NARF: variants seen among roughly 807,000 people sequenced by gnomAD.
The protein encoded by NARF is iron-only hydrogenase-like protein 2.
Under a neutral mutation model 48.0 loss-of-function variants are expected in NARF, and 41 were observed. The ratio of observed to expected loss-of-function variants is 0.85; its 90% CI spans 0.66 to 1.11. NARF has a LOEUF of 1.11. NARF is among the 50% of genes least tolerant of loss of function. The pLI, the probability that NARF is intolerant of heterozygous loss-of-function variation, is 0.00. For synonymous variants in NARF, 215 were observed against 225.5 expected (o/e 0.95, Z 0.42); for missense variants, 613 against 590.2 (o/e 1.04, Z -0.40).
intron 6 of NARF, chr17:82,480,443 C>G (rs1214895413): frequency 5.0e-6 from 2 of 401,890 alleles, no homozygotes; most frequent in Admixed American, 8.8e-5. Context: ...CCCGGTTCTT[C>G]CAGGAGGCTC....
At chr17:82,470,585 C>G (rs1237950203) in intron 4 of NARF, among the ~76,000 whole-genome samples, 1 of 152,082 alleles carries the variant, frequency 6.6e-6, no homozygotes, top group African/African-American at 2.4e-5. Context: ...AGCTCCACCT[C>G]CCGGGTTCAC....
intron 3 of NARF, chr17:82,468,536 A>G: frequency 2.0e-6 from 1 of 495,850 alleles, no homozygotes; most frequent in South Asian, 2.5e-5. Context: ...CTCATGTTTC[A>G]TTTTTTAAAT....
chr17:82,458,572 C>G (rs1410603407), upstream of NARF: 4 of 497,518 alleles, frequency 8.0e-6, no homozygotes, highest in Non-Finnish European at 1.3e-5. Flanking sequence ...CTGGCCCGCC[C>G]CTTCCCGACA....
At position 82,484,877 on chromosome 17, in the gene NARF, G is replaced by A; in HGVS notation, c.898G>A (p.Ala300Thr). 1.2e-6 allele frequency: 2 copies of A among 1,613,350 alleles called. No individual in the cohort carries two copies. Among genetic ancestry groups the A allele is most frequent in the Non-Finnish European group, 1.7e-6 (2 of 1,179,632 alleles). The change falls in exon 9 of 11, where the codon GCA becomes ACA. Residue 300 changes from alanine to threonine, a missense_variant. Transcript: ENST00000309794. ...HDGASSDGHL[A>T]HIFRHAAKEL... is the part of the protein sequence containing the mutation. ...TGGAGCCAGCTCAGACGGGCACCTG[G>A]CACACATCTTCAGACATGCGGCCAA...
intron 2 of NARF, chr17:82,463,132 AAGG>A (rs1246351665): frequency 1.3e-5 from 2 of 152,126 alleles, no homozygotes; most frequent in Non-Finnish European, 2.9e-5. Context: ...CACGCTGTGG[AAGG>A]AGGAGGCACA....
Position 82,459,840 on chromosome 17 carries a change from G to A in NARF, c.28-152G>A, listed in dbSNP as rs995229323. ...GCCGAGATTGCGCCCCTGCACTCCA[G>A]CCTGGGTGAGAGCGAGACTCCGTCT... On this transcript the variant is annotated intron_variant, in intron 1 of 10. Coordinates refer to ENST00000309794, the MANE Select transcript of NARF (RefSeq NM_012336.4). 5.0e-6 allele frequency: 3 copies of A among 599,310 alleles called. No homozygotes were observed. In the African/African-American group the frequency reaches 5.7e-5, roughly 11 times the overall value. 37.1% of individuals were successfully genotyped at this position (599,310 alleles called of 1,614,324 possible). A position where few individuals can be genotyped will look rare whatever the true frequency, so the allele number is the denominator to read the frequency against.
upstream of NARF, chr17:82,458,723 C>G (rs964897182): frequency 4.9e-6 from 7 of 1,429,988 alleles, no homozygotes; most frequent in Non-Finnish European, 6.4e-6. Flanking sequence ...CAAAGGGCCG[C>G]GGGCGGCGGG....
chr17:82,465,198 C>CA (rs1359721045), intron 3 of NARF, among the ~76,000 whole-genome samples: 1 of 152,164 alleles, frequency 6.6e-6, no homozygotes, highest in Admixed American at 6.5e-5. Flanking sequence ...CACTCACTAT[C>CA]ATGAGAAGAG....
At chr17:82,467,169 C>T (rs1439596330) in intron 3 of NARF, among the ~76,000 whole-genome samples, 2 of 151,974 alleles carry the variant, frequency 1.3e-5, no homozygotes, top group African/African-American at 4.8e-5. Context: ...GCCTCAGCCC[C>T]CTGAGTATCT....
chr17:82,464,067 G>C, intron 2 of NARF: 1 of 522,214 alleles, frequency 1.9e-6, no homozygotes, highest in South Asian at 2.8e-5. Context: ...TGGTTCCCTA[G>C]TGTCATTGTG....
intron 4 of NARF, among the ~76,000 whole-genome samples, chr17:82,470,240 T>C (rs1368692598): frequency 2.6e-5 from 4 of 152,142 alleles, no homozygotes; most frequent in African/African-American, 9.7e-5. Flanking sequence ...TAGCACATAA[T>C]GTGCTGCAGC....
At chr17:82,470,655 C>T (rs538722235) in intron 4 of NARF, among the ~76,000 whole-genome samples, 126 of 151,878 alleles carry the variant, frequency 8.3e-4, no homozygotes, top group African/African-American at 2.9e-3. Flanking sequence ...CCACCACGCC[C>T]GGCTAATTTT....
chr17:82,476,098 C>T (rs2143905359), intron 5 of NARF, among the ~76,000 whole-genome samples: 1 of 152,100 alleles, frequency 6.6e-6, no homozygotes, highest in South Asian at 2.1e-4. Flanking sequence ...ACCTCCATCC[C>T]CCAGGTTCAA....
intron 1 of NARF, 133 bp downstream of exon 1, chr17:82,458,963 T>A: frequency 8.2e-7 from 1 of 1,220,552 alleles, no homozygotes; most frequent in Non-Finnish European, 1.0e-6. Flanking sequence ...CTCGGCACCC[T>A]GGGCCCGCTC....
At chr17:82,465,846 A>C (rs2043553431) in intron 3 of NARF, among the ~76,000 whole-genome samples, 1 of 152,244 alleles carries the variant, frequency 6.6e-6, no homozygotes, top group Non-Finnish European at 1.5e-5. Flanking sequence ...GATTATAGGC[A>C]TCAGCCACCA....
Position 82,468,827 on chromosome 17 carries a change from T to C in NARF, c.316T>C (p.Phe106Leu). ...TGTGTGTCCTCAATCTTTGCCTTAT[T>C]TTGCTGCTAAATTCAACCTCAGTGT... ...VSVCPQSLPY[F>L]AAKFNLSVTD... Residue 106 changes from phenylalanine to leucine, a missense_variant, in exon 4 of 11, where the codon TTT becomes CTT. Phe to Leu is a conservative substitution (Grantham distance 22, BLOSUM62 0). Transcript: ENST00000309794. 3 of 1,614,144 alleles carry C rather than the reference T, an allele frequency of 1.9e-6. No homozygotes were observed. The highest frequency in any genetic ancestry group is 8.5e-7 in the Non-Finnish European group (1 of 1,179,998).
At position 82,487,249 on chromosome 17, in the gene NARF, C is replaced by T. The variant is rs573471688; in HGVS notation, c.1130-667C>T. ...CTGTAATCCCAGCACTTTGGGAGGCCGAGGTGGTCGGATTACCTGAGGTCA... is the reference window on the plus strand; with the variant it reads ...CTGTAATCCCAGCACTTTGGGAGGCTGAGGTGGTCGGATTACCTGAGGTCA... On this transcript the variant is annotated intron_variant, in intron 10 of 10. Coordinates refer to ENST00000309794, the MANE Select transcript of NARF (RefSeq NM_012336.4). Among the ~76,000 whole-genome samples the T allele has an allele frequency of 4.3e-4, 64 of 149,870 alleles. No individual in the cohort carries two copies. In the South Asian group the frequency reaches 0.013, roughly 30 times the overall value.
chr17:82,458,892 C>T, intron 1 of NARF, 62 bp downstream of exon 1: 4 of 1,301,032 alleles, frequency 3.1e-6, no homozygotes, highest in Non-Finnish European at 3.9e-6. Flanking sequence ...TCTGGGCGGC[C>T]GAGGTTGGCG....
intron 4 of NARF, among the ~76,000 whole-genome samples, chr17:82,471,314 G>A (rs1000375311): frequency 2.0e-5 from 3 of 151,594 alleles, no homozygotes; most frequent in African/African-American, 7.3e-5. Flanking sequence ...AAGTAGCCGG[G>A]CGTGGTGACG....
Sources: gnomAD v4.1 joint callset for allele counts (sites outside exome capture counted in the v4.1 genomes callset) on GRCh38, gnomAD v4.1.1 for gene constraint, MANE v1.5 for transcripts, NCBI Gene and HGNC (gene_info 2026-07-23, HGNC 2026-07-21) for gene names.